EPHB1: variants seen among roughly 807,000 people sequenced by gnomAD.
EPHB1 encodes the protein EPH receptor B1, also known as ephrin type-B receptor 1.
In EPHB1, 30 loss-of-function variants were observed where a neutral mutation model predicts 94.4. That is an observed-to-expected ratio of 0.32 (90% CI 0.24 to 0.43). The LOEUF (loss-of-function observed/expected upper bound fraction) is 0.43. EPHB1 is among the 20% of genes least tolerant of loss of function. The pLI is 1.00. For missense variants in EPHB1, 1,055 were observed against 1,308.3 expected (o/e 0.81, Z 2.99); for synonymous variants, 522 against 489.1 (o/e 1.07, Z -0.89).
At chr3:134,828,428 T>C (rs1021609570) in intron 1 of EPHB1, among the ~76,000 whole-genome samples, 2 of 152,208 alleles carry the variant, frequency 1.3e-5, no homozygotes, top group African/African-American at 4.8e-5. Context: ...TCCTGGTTAG[T>C]TAGAACTTTC....
In EPHB1 at chr3:135,154,243, C is replaced by T. The variant is rs1416925667; in HGVS notation, c.1389C>T (p.Ile463=). ...CACAGCCGGAGCAGCCCAATGGCAT[C>T]ATCCTGGACTATGAGATCCGGTACT... The part of the protein sequence containing the change: ...SWPQPEQPNG[I]ILDYEIRYYE... Residue 463 remains isoleucine (I), a synonymous_variant, in exon 6 of 16, where the codon ATC becomes ATT. Transcript: ENST00000398015. 2.5e-6 allele frequency: 4 copies of T among 1,613,900 alleles called. No individual in the cohort carries two copies. The African/African-American group carries it at 4.0e-5, about 16-fold the overall frequency.
chr3:134,989,139 T>A (rs1559784832), intron 3 of EPHB1, among the ~76,000 whole-genome samples: 1 of 152,192 alleles, frequency 6.6e-6, no homozygotes, highest in Non-Finnish European at 1.5e-5. Flanking sequence ...ACTGTGTCTC[T>A]GGCACCACGG....
At chr3:135,255,160 C>T (rs570910959) in intron 15 of EPHB1, among the ~76,000 whole-genome samples, 21 of 151,966 alleles carry the variant, frequency 1.4e-4, no homozygotes, top group African/African-American at 5.1e-4. Context: ...TTTCAAAAAA[C>T]CAGCTCCTGG....
At chr3:134,804,604 T>C (rs1161528956) in intron 1 of EPHB1, among the ~76,000 whole-genome samples, 1 of 152,152 alleles carries the variant, frequency 6.6e-6, no homozygotes, top group East Asian at 1.9e-4. Context: ...GGTACTCCCT[T>C]CATAGGCTCA....
At chr3:134,980,984 G>A (rs1214064047) in intron 3 of EPHB1, among the ~76,000 whole-genome samples, 1 of 152,166 alleles carries the variant, frequency 6.6e-6, no homozygotes, top group African/African-American at 2.4e-5. Context: ...GAGCTCAACA[G>A]GTTCCTCTCC....
chr3:134,887,131 G>T (rs1467052470), intron 1 of EPHB1, among the ~76,000 whole-genome samples: 1 of 152,070 alleles, frequency 6.6e-6, no homozygotes, highest in East Asian at 1.9e-4. Context: ...GTTTTACTTG[G>T]CCCACTCCTG....
Position 135,259,451 on chromosome 3 carries a change from A to G in EPHB1, c.*331A>G. The G allele has an allele frequency of 4.3e-6, 1 of 231,760 alleles. No homozygotes were observed. The highest frequency in any genetic ancestry group is 8.5e-6 in the Non-Finnish European group (1 of 117,440). The allele number at this position is 231,760 out of a possible 1,614,324, so 14.4% of individuals were successfully genotyped here. A position where few individuals can be genotyped will look rare whatever the true frequency, so the allele number is the denominator to read the frequency against. On this transcript the variant is annotated 3_prime_UTR_variant, in exon 16 of 16. Coordinates refer to ENST00000398015, the MANE Select transcript of EPHB1 (RefSeq NM_004441.5). ...CAGTGGGCTGCAGTTGCCCAACCAC[A>G]GGAAGAAAGGGAAGGAGGTAGAGGG...
intron 1 of EPHB1, among the ~76,000 whole-genome samples, chr3:134,846,644 A>G (rs1166352318): frequency 6.6e-6 from 1 of 151,982 alleles, no homozygotes; most frequent in Non-Finnish European, 1.5e-5. Context: ...GGTCCTCTTC[A>G]CGAAAGTCTT....
chr3:134,886,523 CA>C (rs2108313799), intron 1 of EPHB1, among the ~76,000 whole-genome samples: 1 of 152,264 alleles, frequency 6.6e-6, no homozygotes, highest in South Asian at 2.1e-4. Flanking sequence ...GTGAAAAAAA[CA>C]AACACGGATC....
At chr3:135,031,730 C>G (rs1936480287) in intron 3 of EPHB1, among the ~76,000 whole-genome samples, 1 of 152,188 alleles carries the variant, frequency 6.6e-6, no homozygotes, top group Non-Finnish European at 1.5e-5. Context: ...TCCAAATGCT[C>G]AGATAGTTCA....
Position 134,795,609 on chromosome 3 carries a change from G to T in EPHB1, c.-23G>T, listed in dbSNP as rs753435570. 2 of 1,603,244 alleles carry T rather than the reference G, an allele frequency of 1.2e-6. No homozygotes were observed. Among genetic ancestry groups the T allele is most frequent in the Non-Finnish European group, 1.7e-6 (2 of 1,176,100 alleles). ...GGCGCTGCTGCCTCGGCTTGGTCTC[G>T]GCCTGCGGGCCGTCGGCCGGCGATG... On this transcript the variant is annotated 5_prime_UTR_variant, in exon 1 of 16. Transcript: ENST00000398015.
At chr3:134,984,608 C>T (rs549782230) in intron 3 of EPHB1, among the ~76,000 whole-genome samples, 3 of 150,822 alleles carry the variant, frequency 2.0e-5, no homozygotes, top group African/African-American at 4.9e-5. Context: ...AGGGCCCTCA[C>T]CTGGGCCCCA....
chr3:134,900,591 C>T (rs1046624487), intron 1 of EPHB1, among the ~76,000 whole-genome samples: 5 of 152,032 alleles, frequency 3.3e-5, no homozygotes, highest in East Asian at 1.9e-4. Flanking sequence ...CCTGGGTTAA[C>T]GGGGCCCAGT....
At chr3:135,247,257 A>G (rs1270782437) in intron 13 of EPHB1, among the ~76,000 whole-genome samples, 1 of 152,188 alleles carries the variant, frequency 6.6e-6, no homozygotes, top group African/African-American at 2.4e-5. Context: ...TTTTCTATGC[A>G]TGTCTATAAT....
chr3:134,921,832 A>C (rs1349323159), intron 1 of EPHB1, among the ~76,000 whole-genome samples: 1 of 152,176 alleles, frequency 6.6e-6, no homozygotes, highest in South Asian at 2.1e-4. Context: ...AGTTAGCTCT[A>C]GGCCCATCCT....
At chr3:134,885,572 C>G (rs1282313168) in intron 1 of EPHB1, among the ~76,000 whole-genome samples, 1 of 152,204 alleles carries the variant, frequency 6.6e-6, no homozygotes, top group East Asian at 1.9e-4. Context: ...AGATAGTTTT[C>G]TCCAGTTCTG....
At chr3:134,882,184 CA>C (rs1336364618) in intron 1 of EPHB1, among the ~76,000 whole-genome samples, 1 of 152,130 alleles carries the variant, frequency 6.6e-6, no homozygotes, top group Non-Finnish European at 1.5e-5. Context: ...AGGGGTGAAT[CA>C]AGCCTCATCC....
chr3:135,053,027 GTATATATATATATA>G (rs1243029809), intron 3 of EPHB1, among the ~76,000 whole-genome samples: 2 of 110,474 alleles, frequency 1.8e-5, no homozygotes, highest in African/African-American at 4.2e-5. Flanking sequence ...GTGTGTGTGT[GTATATATATATATA>G]TATATATATA....
At chr3:134,891,626 T>C (rs937174127) in intron 1 of EPHB1, among the ~76,000 whole-genome samples, 43 of 152,250 alleles carry the variant, frequency 2.8e-4, no homozygotes, top group African/African-American at 1.0e-3. Flanking sequence ...TGGTTAATTA[T>C]ATAATAGATT....
Sources: gnomAD v4.1 joint callset for allele counts (sites outside exome capture counted in the v4.1 genomes callset) on GRCh38, gnomAD v4.1.1 for gene constraint, MANE v1.5 for transcripts, NCBI Gene and HGNC (gene_info 2026-07-23, HGNC 2026-07-21) for gene names.